POU2F3: variants seen among roughly 807,000 people sequenced by gnomAD.
POU2F3 encodes POU class 2 homeobox 3, also known as POU domain, class 2, transcription factor 3.
Under a neutral mutation model 59.2 loss-of-function variants are expected in POU2F3, and 23 were observed. The ratio of observed to expected loss-of-function variants is 0.39; its 90% CI spans 0.28 to 0.55. POU2F3 has a LOEUF of 0.55. Among genes scored for constraint, POU2F3 ranks in the 20% least tolerant of loss-of-function variants. The probability of loss-of-function intolerance (pLI) is 0.66; values close to 1 mark genes in which losing one functional copy is unlikely to be tolerated. For missense variants in POU2F3, 473 were observed against 544.5 expected, an observed-to-expected ratio of 0.87 and a Z score of 1.31; for synonymous variants, 190 against 214.6, an observed-to-expected ratio of 0.89 and a Z score of 1.00.
chr11:120,260,969 G>C (rs1039694625), intron 2 of POU2F3, among the ~76,000 whole-genome samples: 65 of 152,100 alleles, frequency 4.3e-4, no homozygotes, highest in African/African-American at 1.6e-3. Context: ...GAAAGGCTGA[G>C]GTGGGAGGAT....
intron 10 of POU2F3, among the ~76,000 whole-genome samples, chr11:120,314,587 G>A (rs1051358143): frequency 1.3e-5 from 2 of 152,214 alleles, no homozygotes; most frequent in African/African-American, 4.8e-5. Context: ...CCAAATCTCA[G>A]TAGGGTTAGA....
intron 9 of POU2F3, 77 bp from the exon 10 acceptor site, chr11:120,309,348 C>T (rs1472971631): frequency 7.0e-7 from 1 of 1,429,060 alleles, no homozygotes; most frequent in Non-Finnish European, 9.7e-7. Context: ...ATAGTTGTAT[C>T]CTGTTTCTTT....
intron 2 of POU2F3, chr11:120,253,791 GAA>G (rs904663061): frequency 6.6e-6 from 1 of 152,284 alleles, no homozygotes; most frequent in African/African-American, 2.4e-5. Flanking sequence ...TTGTGTATTA[GAA>G]AGTCTCTTTC....
intron 2 of POU2F3, among the ~76,000 whole-genome samples, chr11:120,268,732 CT>C (rs1204951936): frequency 3.3e-5 from 5 of 152,224 alleles, no homozygotes; most frequent in Non-Finnish European, 5.9e-5. Context: ...AGAAAGACAG[CT>C]GTCTAGCTGA....
chr11:120,251,615 G>A (rs572697471), intron 2 of POU2F3, among the ~76,000 whole-genome samples: 1 of 152,238 alleles, frequency 6.6e-6, no homozygotes, highest in Admixed American at 6.5e-5. Context: ...GACATGGAGG[G>A]GGTCCTGATA....
In POU2F3 at chr11:120,296,859, C is replaced by T. The variant is rs114491770; in HGVS notation, c.133-1406C>T. Among the ~76,000 whole-genome samples the T allele has an allele frequency of 6.2e-3, 947 of 152,210 alleles. 11 individuals are homozygous for T. The highest frequency in any genetic ancestry group is 0.022 in the African/African-American group (919 of 41,538). On this transcript the variant is annotated intron_variant, in intron 3 of 12. Transcript: ENST00000543440. ...GAATAGTGTTGCGATGAACATAACC[C>T]GTGCATATGTCTTTATAATAGAGCT...
At chr11:120,306,539 C>T (rs962976874) in intron 8 of POU2F3, among the ~76,000 whole-genome samples, 1 of 152,108 alleles carries the variant, frequency 6.6e-6, no homozygotes, top group East Asian at 1.9e-4. Flanking sequence ...TAGCATCCAC[C>T]CCCAGTTGAA....
At chr11:120,315,683 C>T (rs1941765615) in intron 11 of POU2F3, among the ~76,000 whole-genome samples, 1 of 152,036 alleles carries the variant, frequency 6.6e-6, no homozygotes, top group Non-Finnish European at 1.5e-5. Flanking sequence ...GCATAAAATT[C>T]CAAAATGAAC....
At chr11:120,247,809 C>A (rs1938932201) in intron 2 of POU2F3, among the ~76,000 whole-genome samples, 1 of 152,226 alleles carries the variant, frequency 6.6e-6, no homozygotes, top group African/African-American at 2.4e-5. Flanking sequence ...AGCCATGATC[C>A]AGAGAGGCTG....
Position 120,317,310 on chromosome 11 carries a change from C to T in POU2F3, c.1217C>T (p.Ser406Phe). 1 of 1,614,168 alleles carries T rather than the reference C, an allele frequency of 6.2e-7. No homozygotes were observed. Among genetic ancestry groups the T allele is most frequent in the Non-Finnish European group, 8.5e-7 (1 of 1,179,996 alleles). ...CTCCACGCCAGCAGCCCCACTGCAT[C>T]TCAAAATAACTCCAAAGCAGCAGTG... is the stretch of plus-strand genomic sequence containing the variant. Reference protein sequence around the residue: ...SGLHASSPTASQNNSKAAVNS... With the variant: ...SGLHASSPTAFQNNSKAAVNS... Residue 406 changes from serine (S) to phenylalanine (F), a missense_variant, in exon 12 of 13, where the codon TCT (serine) becomes TTT (phenylalanine). Transcript: ENST00000543440.
chr11:120,305,411 T>A, intron 7 of POU2F3, 199 bp downstream of exon 7: 1 of 872,524 alleles, frequency 1.1e-6, no homozygotes, highest in Non-Finnish European at 1.7e-6. Context: ...GAATGAGAGG[T>A]GGAAAAGGGG....
chr11:120,297,100 C>A (rs971160989), intron 3 of POU2F3, among the ~76,000 whole-genome samples: 1 of 152,208 alleles, frequency 6.6e-6, no homozygotes, highest in African/African-American at 2.4e-5. Context: ...TAGGGAACAA[C>A]CAGATGTCCA....
intron 3 of POU2F3, among the ~76,000 whole-genome samples, chr11:120,290,521 G>C (rs1284371931): frequency 6.6e-6 from 1 of 152,226 alleles, no homozygotes. Context: ...CAGGCAGAAG[G>C]GAGGGGTCTG....
chr11:120,313,129 G>C (rs1041657289), intron 10 of POU2F3, among the ~76,000 whole-genome samples: 7 of 152,142 alleles, frequency 4.6e-5, no homozygotes, highest in Non-Finnish European at 8.8e-5. Context: ...CATGTCATAG[G>C]AACTTTGGAA....
chr11:120,307,444 C>T, intron 8 of POU2F3, 35 bp from the exon 9 acceptor site: 6 of 1,610,460 alleles, frequency 3.7e-6, no homozygotes, highest in South Asian at 1.1e-5. Flanking sequence ...TCATCCCCTT[C>T]TCTGAGCTTC....
intron 3 of POU2F3, among the ~76,000 whole-genome samples, chr11:120,278,399 G>A (rs1940423751): frequency 2.0e-5 from 3 of 152,168 alleles, no homozygotes; most frequent in Admixed American, 6.5e-5. Flanking sequence ...GGGTAGCTGT[G>A]ATCCCCAGTG....
intron 2 of POU2F3, among the ~76,000 whole-genome samples, chr11:120,267,195 C>T (rs1255402132): frequency 1.3e-5 from 2 of 151,250 alleles, no homozygotes; most frequent in Non-Finnish European, 2.9e-5. Context: ...GTCATGCGAT[C>T]TCGGCTCACT....
At chr11:120,289,538 C>T (rs1940946208) in intron 3 of POU2F3, among the ~76,000 whole-genome samples, 1 of 152,144 alleles carries the variant, frequency 6.6e-6, no homozygotes, top group Admixed American at 6.5e-5. Context: ...GCCATGGGCC[C>T]CTGCCTGCTC....
chr11:120,290,644 G>A (rs1377062796), intron 3 of POU2F3, among the ~76,000 whole-genome samples: 1 of 152,170 alleles, frequency 6.6e-6, no homozygotes, highest in African/African-American at 2.4e-5. Flanking sequence ...AAACAGTTTG[G>A]TAAGATTACT....
Sources: gnomAD v4.1 joint callset for allele counts (sites outside exome capture counted in the v4.1 genomes callset) on GRCh38, gnomAD v4.1.1 for gene constraint, MANE v1.5 for transcripts, NCBI Gene and HGNC (gene_info 2026-07-23, HGNC 2026-07-21) for gene names.